Variants in SAMD7 observed in about 807,000 individuals in gnomAD.
The protein encoded by SAMD7 is sterile alpha motif domain-containing protein 7.
In SAMD7, 34 loss-of-function variants were observed where a neutral mutation model predicts 36.7. That is an observed-to-expected ratio of 0.93 (90% CI 0.71 to 1.23). SAMD7 has a LOEUF of 1.23. Among genes scored for constraint, SAMD7 ranks in the 50% most tolerant of loss-of-function variants. The pLI, the probability that SAMD7 is intolerant of heterozygous loss-of-function variation, is 0.00. For missense variants in SAMD7, 570 were observed against 546.6 expected (o/e 1.04, Z -0.43); for synonymous variants, 188 against 189.7 (o/e 0.99, Z 0.07).
intron 4 of SAMD7, among the ~76,000 whole-genome samples, chr3:169,922,598 C>A (rs1174024468): frequency 1.3e-5 from 2 of 152,206 alleles, no homozygotes; most frequent in East Asian, 3.9e-4. Flanking sequence ...CTCCCTGGTT[C>A]AAGCGATTCT....
chr3:169,926,442 C>T (rs1452348975), intron 5 of SAMD7, 111 bp from the exon 6 acceptor site: 2 of 1,256,798 alleles, frequency 1.6e-6, no homozygotes, highest in Non-Finnish European at 2.2e-6. Context: ...TTCCACCAAA[C>T]AAACTTCAGA....
At chr3:169,930,721 A>T (rs1173390162) in intron 7 of SAMD7, among the ~76,000 whole-genome samples, 1 of 151,608 alleles carries the variant, frequency 6.6e-6, no homozygotes, top group Non-Finnish European at 1.5e-5. Context: ...AGCTGGGACT[A>T]TAGGTGCACA....
Position 169,929,778 on chromosome 3 carries a change from C to G in SAMD7, c.1041+1200C>G, listed in dbSNP as rs145763479. ...TCATTATACCCAAGAGACGGCCAAGCCTCAAGTTACTTATGAAGCAAGTTG... is the reference window on the plus strand; with the variant it reads ...TCATTATACCCAAGAGACGGCCAAGGCTCAAGTTACTTATGAAGCAAGTTG... On this transcript the variant is annotated intron_variant, in intron 7 of 8. Transcript: ENST00000335556. 2.6e-5 allele frequency among the ~76,000 whole-genome samples: 4 copies of G among 152,274 alleles called. No homozygotes were observed. In the East Asian group the frequency reaches 5.8e-4, roughly 22 times the overall value.
chr3:169,924,208 T>A (rs999554590), intron 4 of SAMD7, among the ~76,000 whole-genome samples: 1 of 151,904 alleles, frequency 6.6e-6, no homozygotes, highest in East Asian at 1.9e-4. Flanking sequence ...ACCTCATTTT[T>A]AAAAAAGATC....
chr3:169,914,054 A>G (rs1167747739), intron 1 of SAMD7, among the ~76,000 whole-genome samples: 1 of 152,238 alleles, frequency 6.6e-6, no homozygotes, highest in Admixed American at 6.5e-5. Context: ...ATTTGTCAGA[A>G]TCATAGAATG....
At chr3:169,919,348 C>G in intron 2 of SAMD7, 110 bp from the exon 3 acceptor site, 1 of 638,742 alleles carries the variant, frequency 1.6e-6, no homozygotes, top group Non-Finnish European at 2.8e-6. Flanking sequence ...TGTAGCTAGT[C>G]TTCCCAAGTG....
At chr3:169,931,387 T>G (rs1227014041) in intron 7 of SAMD7, among the ~76,000 whole-genome samples, 2 of 152,058 alleles carry the variant, frequency 1.3e-5, no homozygotes, top group Admixed American at 6.6e-5. Context: ...TCCTCACACA[T>G]TTCAGTCCCC....
chr3:169,927,285 CTTTTTTTTTTTT>C (rs71634451), intron 6 of SAMD7, 104 bp downstream of exon 6: 21 of 141,798 alleles, frequency 1.5e-4, no homozygotes, highest in Middle Eastern at 3.2e-3. Context: ...TTTTATCTTT[CTTTTTTTTTTTT>C]TTTTTTTTTT....
At chr3:169,935,307 G>A (rs1713679481) in intron 7 of SAMD7, among the ~76,000 whole-genome samples, 1 of 152,094 alleles carries the variant, frequency 6.6e-6, no homozygotes, top group African/African-American at 2.4e-5. Context: ...AGAGACTGAA[G>A]AGAAAAGAGG....
chr3:169,931,635 G>A lies in SAMD7; in HGVS notation c.1041+3057G>A, dbSNP rs79485481. 4.1e-3 allele frequency among the ~76,000 whole-genome samples: 620 copies of A among 152,126 alleles called. 3 individuals carry two copies. Among genetic ancestry groups the A allele is most frequent in the African/African-American group, 0.014 (601 of 41,466 alleles). ...GCACCTGGCTCTTTAATTTATATTAGCCATTTTCTATAATTTGCTTAATTA... is the reference window on the plus strand; with the variant it reads ...GCACCTGGCTCTTTAATTTATATTAACCATTTTCTATAATTTGCTTAATTA... On this transcript the variant is annotated intron_variant, in intron 7 of 8. Transcript: ENST00000335556.
Position 169,927,100 on chromosome 3 carries a change from G to T in SAMD7, c.838G>T (p.Glu280Ter), listed in dbSNP as rs1246499539. The change falls in exon 6 of 9, where the codon GAG becomes TAG. Residue 280 changes from glutamate (E) to a stop codon, truncating the protein, a stop_gained. Transcript: ENST00000335556. LOFTEE classifies it high-confidence loss of function. ...LKAKAWDDGK[E>*]EASEQIFATC... ...AGCAAAGGCCTGGGACGATGGGAAA[G>T]AGGAGGCTTCGGAGCAGATTTTTGC... 1 of 1,593,548 alleles carries T rather than the reference G, an allele frequency of 6.3e-7. No homozygotes were observed. The highest frequency in any genetic ancestry group is 8.5e-7 in the Non-Finnish European group (1 of 1,174,450).
rs3815645 is a variant in SAMD7 at position 169,939,095 on chromosome 3, G to A, written c.*589G>A. ...CCCAACACTTTGGGAGTCTGAGGCG[G>A]GCGGATCATGAGGTCAGGAGATTAA... On this transcript the variant is annotated 3_prime_UTR_variant, in exon 9 of 9. Transcript: ENST00000335556. The A allele has an allele frequency of 0.17, 25,250 of 152,052 alleles. 2,280 individuals carry two copies. Among genetic ancestry groups the A allele is most frequent in the South Asian group, 0.23 (1,105 of 4,802 alleles). 9.4% of individuals were successfully genotyped at this position (152,052 alleles called of 1,614,324 possible). A position where few individuals can be genotyped will look rare whatever the true frequency, so the allele number is the denominator to read the frequency against.
Position 169,921,259 on chromosome 3 carries a change from T to A in SAMD7, c.132T>A (p.Phe44Leu). 1 of 1,614,012 alleles carries A rather than the reference T, an allele frequency of 6.2e-7. No individual in the cohort carries two copies. Among genetic ancestry groups the A allele is most frequent in the Non-Finnish European group, 8.5e-7 (1 of 1,179,838 alleles). ...TAGCTCCAACTGACCCAAGACAGTT[T>A]TGCGTTCCTTCCCAATTTGGATCCT... ...STVAPTDPRQ[F>L]CVPSQFGSSV... The change falls in exon 4 of 9, where the codon TTT becomes TTA. Residue 44 changes from phenylalanine (F) to leucine (L), a missense_variant. Transcript: ENST00000335556.
intron 1 of SAMD7, among the ~76,000 whole-genome samples, chr3:169,912,885 G>T (rs1206400059): frequency 6.6e-6 from 1 of 152,176 alleles, no homozygotes; most frequent in African/African-American, 2.4e-5. Flanking sequence ...GATGGGAAGG[G>T]GAGCAAGATA....
intron 7 of SAMD7, among the ~76,000 whole-genome samples, 166 bp from the exon 8 acceptor site, chr3:169,936,173 G>A (rs2108266947): frequency 6.6e-6 from 1 of 152,226 alleles, no homozygotes; most frequent in South Asian, 2.1e-4. Flanking sequence ...CAAGCAATAT[G>A]CTACTGAGCA....
chr3:169,921,878 C>T (rs954238990), intron 4 of SAMD7, among the ~76,000 whole-genome samples: 1 of 152,182 alleles, frequency 6.6e-6, no homozygotes, highest in African/African-American at 2.4e-5. Flanking sequence ...AAGATTATGA[C>T]AGCTTGGTCA....
intron 7 of SAMD7, among the ~76,000 whole-genome samples, 178 bp downstream of exon 7, chr3:169,928,756 C>T (rs960041098): frequency 6.6e-6 from 1 of 152,118 alleles, no homozygotes; most frequent in Non-Finnish European, 1.5e-5. Context: ...GGTCATACAC[C>T]CACACCCCAG....
At chr3:169,916,106 C>T (rs12636366) in intron 2 of SAMD7, among the ~76,000 whole-genome samples, 3,449 of 152,226 alleles carry the variant, frequency 0.023, 95 homozygotes, top group East Asian at 0.13. Flanking sequence ...ACCTTCTTAA[C>T]ACATTTTGAC....
At chr3:169,919,609 T>C (rs768941099) in intron 3 of SAMD7, 25 bp downstream of exon 3, 4 of 1,512,280 alleles carry the variant, frequency 2.6e-6, no homozygotes, top group Non-Finnish European at 3.7e-6. Flanking sequence ...TATAATAGTT[T>C]GATCAAAGAA....
Sources: allele counts gnomAD v4.1 joint callset (sites outside exome capture counted in the v4.1 genomes callset), GRCh38; gene constraint gnomAD v4.1.1; transcripts MANE v1.5; gene names NCBI Gene and HGNC (gene_info 2026-07-23, HGNC 2026-07-21).